ZNF675: variants seen among roughly 807,000 people sequenced by gnomAD.
ZNF675 encodes zinc finger protein 675.
In ZNF675, 36 loss-of-function variants were observed where a neutral mutation model predicts 56.1. That is an observed-to-expected ratio of 0.64 (90% CI 0.49 to 0.85). The LOEUF (loss-of-function observed/expected upper bound fraction) is 0.85. Among genes scored for constraint, ZNF675 ranks in the 40% least tolerant of loss-of-function variants. The pLI is 0.00. For missense variants in ZNF675, 663 were observed against 654.2 expected, an observed-to-expected ratio of 1.01 and a Z score of -0.15; for synonymous variants, 200 against 218.9, an observed-to-expected ratio of 0.91 and a Z score of 0.76.
chr19:23,668,483 G>C (rs565673645), intron 1 of ZNF675, among the ~76,000 whole-genome samples: 1 of 32,760 alleles, frequency 3.1e-5, no homozygotes. Context: ...ATCCCGCACC[G>C]GGGCTGCAGG....
At position 23,653,358 on chromosome 19, in the gene ZNF675, T is replaced by C; in HGVS notation, c.1575A>G (p.Glu525=). The change falls in exon 4 of 4, where the codon GAA becomes GAG. Residue 525 remains glutamate (E), a synonymous_variant. Transcript: ENST00000359788. ...KAFSRSSKLT[E]HKIIHTGEKP... ...TCTCTCCAGTATGAATTATCTTATG[T>C]TCAGTAAGTTTTGAGGATCGGCTAA... 1 of 1,613,694 alleles carries C rather than the reference T, an allele frequency of 6.2e-7. No individual in the cohort carries two copies. Among genetic ancestry groups the C allele is most frequent in the Non-Finnish European group, 8.5e-7 (1 of 1,179,974 alleles).
intron 1 of ZNF675, among the ~76,000 whole-genome samples, chr19:23,679,669 GAA>G (rs58652162): frequency 0.044 from 6,385 of 145,998 alleles, 230 homozygotes; most frequent in South Asian, 0.14. Context: ...AAGTTTACAA[GAA>G]AAAAAAAAAA....
chr19:23,662,919 G>C (rs1250880668), intron 2 of ZNF675, 113 bp downstream of exon 2: 1 of 974,564 alleles, frequency 1.0e-6, no homozygotes, highest in East Asian at 3.8e-5. Context: ...AGGAGGCGGA[G>C]GTTGCAGTGA....
chr19:23,657,105 T>TA (rs1568288493), intron 3 of ZNF675: 1 of 152,042 alleles, frequency 6.6e-6, no homozygotes, highest in African/African-American at 2.4e-5. Flanking sequence ...TGGCTATTTT[T>TA]AAAAATTTTT....
Position 23,654,414 on chromosome 19 carries a change from T to A in ZNF675, c.519A>T (p.Lys173Asn). 1 of 1,610,488 alleles carries A rather than the reference T, an allele frequency of 6.2e-7. No individual in the cohort carries two copies. The highest frequency in any genetic ancestry group is 8.5e-7 in the Non-Finnish European group (1 of 1,177,910). ...KIKHMENKPF[K>N]CKECGRSFCM... ...AAAATGATCTGCCACATTCTTTACA[T>A]TTGAAAGGTTTATTTTCCATATGTT... is the stretch of plus-strand genomic sequence containing the variant. Residue 173 changes from lysine to asparagine, a missense_variant, in exon 4 of 4, where the codon AAA becomes AAT. Lys to Asn is a moderately conservative substitution (Grantham distance 94). This residue lies in a region of ZNF675 where 617 missense variants were observed against 590.5 expected (regional missense o/e 1.04). Transcript: ENST00000359788.
Position 23,654,624 on chromosome 19 carries a change from A to G in ZNF675, c.309T>C (p.Tyr103=), listed in dbSNP as rs149926398. ...GAAAATTATCATTTCCACATTTTTC[A>G]TATCTTCTCAGTGTCACTTTTTCAA... ...DSFEKVTLRR[Y]EKCGNDNFQL... is the part of the protein sequence containing the mutation. The change falls in exon 4 of 4, where the codon TAT becomes TAC. Residue 103 remains tyrosine (Y), a synonymous_variant. Coordinates refer to ENST00000359788, the MANE Select transcript of ZNF675 (RefSeq NM_138330.3). The G allele has an allele frequency of 6.7e-4, 1,085 of 1,609,060 alleles. 3 individuals are homozygous for G. The African/African-American group carries it at 0.013, about 19-fold the overall frequency.
chr19:23,678,569 T>TA (rs112040202), intron 1 of ZNF675, among the ~76,000 whole-genome samples: 79,063 of 142,638 alleles, frequency 0.55, 23,640 homozygotes, highest in Non-Finnish European at 0.68. Flanking sequence ...ATTCTTAACT[T>TA]AAAAAAAAAA....
chr19:23,665,514 GTGA>G (rs150535959), intron 1 of ZNF675, among the ~76,000 whole-genome samples: 1 of 151,936 alleles, frequency 6.6e-6, no homozygotes, highest in African/African-American at 2.4e-5. Context: ...GTGTGTGTGT[GTGA>G]TGGAGTGTCG....
At chr19:23,666,503 A>T (rs191508542) in intron 1 of ZNF675, among the ~76,000 whole-genome samples, 73 of 152,282 alleles carry the variant, frequency 4.8e-4, no homozygotes, top group Non-Finnish European at 9.1e-4. Context: ...GTTGTCTGGG[A>T]CCTTAAGCCA....
In ZNF675 at chr19:23,654,186, A is replaced by G; in HGVS notation, c.747T>C (p.Asp249=). The change falls in exon 4 of 4, where the codon GAT becomes GAC. Residue 249 remains aspartate (D), a synonymous_variant. Coordinates refer to ENST00000359788, the MANE Select transcript of ZNF675 (RefSeq NM_138330.3). ...QFSNLTEYKK[D]YAREKPYKCE... is the part of the protein sequence containing the mutation. Reference sequence around the variant, plus strand: ...ATTTGTATGGTTTCTCTCGAGCATAATCTTTTTTATATTCAGTAAGGTTTG... The same window carrying G: ...ATTTGTATGGTTTCTCTCGAGCATAGTCTTTTTTATATTCAGTAAGGTTTG... 1 of 1,614,060 alleles carries G rather than the reference A, an allele frequency of 6.2e-7. No individual in the cohort carries two copies. The highest frequency in any genetic ancestry group is 8.5e-7 in the Non-Finnish European group (1 of 1,180,002).
chr19:23,664,554 C>T (rs1289004336), intron 1 of ZNF675, among the ~76,000 whole-genome samples: 1 of 152,202 alleles, frequency 6.6e-6, no homozygotes, highest in Non-Finnish European at 1.5e-5. Flanking sequence ...ACAGAACCAG[C>T]CCTTTGACCA....
At chr19:23,682,256 A>G (rs1050369044) in intron 1 of ZNF675, among the ~76,000 whole-genome samples, 19 of 151,758 alleles carry the variant, frequency 1.3e-4, no homozygotes, top group Admixed American at 1.2e-3. Context: ...TTTCTGATCT[A>G]AAACCTGACT....
In ZNF675 at chr19:23,663,095, T is replaced by C. The variant is rs762039901; in HGVS notation, c.67A>G (p.Thr23Ala). 2 of 1,610,370 alleles carry C rather than the reference T, an allele frequency of 1.2e-6. No homozygotes were observed. Among genetic ancestry groups the C allele is most frequent in the African/African-American group, 1.3e-5 (1 of 74,682 alleles). Residue 23 changes from threonine to alanine, a missense_variant, in exon 2 of 4, where the codon ACT (threonine) becomes GCT (alanine). Transcript: ENST00000359788. Reference sequence around the variant, plus strand: ...TTTTTATATAAATTCCGCTGTGCAGTGTCCAGGCATTGCCATTCTTCCAGA... The same window carrying C: ...TTTTTATATAAATTCCGCTGTGCAGCGTCCAGGCATTGCCATTCTTCCAGA... ...FSLEEWQCLD[T>A]AQRNLYKNVI...
intron 1 of ZNF675, among the ~76,000 whole-genome samples, chr19:23,672,174 TAA>T (rs56087062): frequency 0.014 from 2,082 of 145,800 alleles, 82 homozygotes; most frequent in African/African-American, 0.051. Flanking sequence ...CTCTTGGGTT[TAA>T]AAAAAAAAAA....
chr19:23,681,941 T>C lies in ZNF675; in HGVS notation c.3+5090A>G, dbSNP rs73551192. Among the ~76,000 whole-genome samples, 165 of 151,904 alleles carry C rather than the reference T, an allele frequency of 1.1e-3. 6 individuals are homozygous for C. The highest frequency in any genetic ancestry group is 3.5e-3 in the African/African-American group (144 of 41,176). On this transcript the variant is annotated intron_variant, in intron 1 of 3. Coordinates refer to ENST00000359788, the MANE Select transcript of ZNF675 (RefSeq NM_138330.3). ...AGATAATCCTGGTAAAGAGCTATGA[T>C]TAATAAAATTCTCCATCTTTGTATT...
intron 1 of ZNF675, among the ~76,000 whole-genome samples, chr19:23,665,482 T>G (rs979041094): frequency 2.0e-5 from 3 of 151,980 alleles, no homozygotes; most frequent in Non-Finnish European, 4.4e-5. Flanking sequence ...TCATGAGTGG[T>G]TTTTTTGTTC....
rs1599405583 is a variant in ZNF675, at chr19:23,653,012, A to G, written c.*214T>C. 2 of 466,626 alleles carry G rather than the reference A, an allele frequency of 4.3e-6. No individual in the cohort carries two copies. The highest frequency in any genetic ancestry group is 3.8e-5 in the Admixed American group (1 of 26,302). The allele number at this position is 466,626 out of a possible 1,614,324, so 28.9% of individuals were successfully genotyped here. The stretch of plus-strand genomic sequence containing the variant: ...TATATTTGTACAATTTTTCTTAAGT[A>G]TAAACGCTTTCCTGTGCAATAAGGT... On this transcript the variant is annotated 3_prime_UTR_variant, in exon 4 of 4. Coordinates refer to ENST00000359788, the MANE Select transcript of ZNF675 (RefSeq NM_138330.3).
chr19:23,676,276 A>C (rs1329562658), intron 1 of ZNF675, among the ~76,000 whole-genome samples: 1 of 151,804 alleles, frequency 6.6e-6, no homozygotes, highest in African/African-American at 2.4e-5. Flanking sequence ...CCAGATGTAC[A>C]AACAAAAGTT....
At chr19:23,686,625 C>T (rs1197444874) in intron 1 of ZNF675, among the ~76,000 whole-genome samples, 1 of 152,156 alleles carries the variant, frequency 6.6e-6, no homozygotes, top group East Asian at 1.9e-4. Flanking sequence ...CGCGCCCGGC[C>T]CTCCCATAAA....
Sources: allele counts gnomAD v4.1 joint callset (sites outside exome capture counted in the v4.1 genomes callset), GRCh38; gene constraint gnomAD v4.1.1; regional missense constraint gnomAD v4.1.1; transcripts MANE v1.5; gene names NCBI Gene and HGNC (gene_info 2026-07-23, HGNC 2026-07-21).